DPY19L2: variants seen among roughly 807,000 people sequenced by gnomAD.
DPY19L2 encodes the protein probable C-mannosyltransferase DPY19L2.
Under a neutral mutation model 97.9 loss-of-function variants are expected in DPY19L2, and 34 were observed. The ratio of observed to expected loss-of-function variants is 0.35; its 90% CI spans 0.26 to 0.46. The LOEUF (loss-of-function observed/expected upper bound fraction) is 0.46. Among genes scored for constraint, DPY19L2 ranks in the 20% least tolerant of loss-of-function variants. The pLI, the probability that DPY19L2 is intolerant of heterozygous loss-of-function variation, is 1.00. For synonymous variants in DPY19L2, 230 were observed against 307.9 expected (o/e 0.75, Z 2.65); for missense variants, 623 against 911.4 (o/e 0.68, Z 4.07).
chr12:63,616,120 C>A (rs1308752055), intron 11 of DPY19L2, among the ~76,000 whole-genome samples: 1 of 151,870 alleles, frequency 6.6e-6, no homozygotes, highest in Non-Finnish European at 1.5e-5. Flanking sequence ...TGAACATCTG[C>A]AGATTTTAGT....
chr12:63,572,916 A>T (rs556148158), intron 19 of DPY19L2, among the ~76,000 whole-genome samples: 65 of 152,178 alleles, frequency 4.3e-4, no homozygotes, highest in Non-Finnish European at 8.1e-4. Context: ...TGCAGCGACC[A>T]GAAACTTAGA....
chr12:63,608,036 A>G (rs570663956), intron 12 of DPY19L2, among the ~76,000 whole-genome samples: 1 of 152,262 alleles, frequency 6.6e-6, no homozygotes, highest in East Asian at 1.9e-4. Context: ...CTAATAACTT[A>G]TTTTACTAGG....
At chr12:63,627,338 GTTA>G (rs1182623851) in intron 6 of DPY19L2, among the ~76,000 whole-genome samples, 1 of 151,950 alleles carries the variant, frequency 6.6e-6, no homozygotes, top group Non-Finnish European at 1.5e-5. Flanking sequence ...TTTTGTTGTT[GTTA>G]TTGTTGTTGT....
chr12:63,592,179 G>C (rs986664579), intron 16 of DPY19L2, among the ~76,000 whole-genome samples: 7 of 149,902 alleles, frequency 4.7e-5, no homozygotes, highest in African/African-American at 1.7e-4. Context: ...AGAAGGAAGG[G>C]AGGAAGGGAG....
intron 16 of DPY19L2, among the ~76,000 whole-genome samples, chr12:63,593,600 T>C (rs1466828824): frequency 2.7e-5 from 4 of 150,736 alleles, no homozygotes; most frequent in African/African-American, 7.3e-5. Flanking sequence ...TGAGAACACA[T>C]GGACACAGGA....
chr12:63,657,638 G>A (rs931921538), intron 4 of DPY19L2, among the ~76,000 whole-genome samples: 39 of 151,652 alleles, frequency 2.6e-4, no homozygotes, highest in African/African-American at 8.5e-4. Context: ...GTTTGATACC[G>A]TTCTCCCTGC....
intron 12 of DPY19L2, among the ~76,000 whole-genome samples, chr12:63,605,574 A>T (rs2137619966): frequency 6.6e-6 from 1 of 152,310 alleles, no homozygotes; most frequent in East Asian, 1.9e-4. Context: ...AAACAAGGAC[A>T]CACTGGTAGT....
chr12:63,643,793 G>C (rs969164886), intron 6 of DPY19L2, among the ~76,000 whole-genome samples: 23 of 152,184 alleles, frequency 1.5e-4, no homozygotes, highest in African/African-American at 5.5e-4. Flanking sequence ...CTGTCCTTTT[G>C]TGAGAAAGGC....
intron 20 of DPY19L2, among the ~76,000 whole-genome samples, 182 bp downstream of exon 20, chr12:63,570,576 G>A (rs1878606235): frequency 6.6e-6 from 1 of 151,848 alleles, no homozygotes; most frequent in Admixed American, 6.6e-5. Context: ...AGAGGCAACA[G>A]GTACGTATTG....
At chr12:63,617,037 T>C (rs1163847332) in intron 11 of DPY19L2, among the ~76,000 whole-genome samples, 3 of 152,314 alleles carry the variant, frequency 2.0e-5, no homozygotes, top group African/African-American at 7.2e-5. Flanking sequence ...AAGTCATTTT[T>C]ATCATAAAAT....
At chr12:63,618,576 T>A (rs185466886) in intron 9 of DPY19L2, among the ~76,000 whole-genome samples, 17 of 152,130 alleles carry the variant, frequency 1.1e-4, no homozygotes, top group African/African-American at 4.1e-4. Flanking sequence ...TGAGAGGCAG[T>A]TGGAAGACCA....
At chr12:63,626,175 C>T (rs1204743469) in intron 7 of DPY19L2, among the ~76,000 whole-genome samples, 6 of 151,172 alleles carry the variant, frequency 4.0e-5, no homozygotes, top group Non-Finnish European at 8.8e-5. Flanking sequence ...GGGAATAAAT[C>T]AGATAATGTG....
At chr12:63,594,316 C>T (rs1227153264) in intron 15 of DPY19L2, among the ~76,000 whole-genome samples, 183 bp from the exon 16 acceptor site, 1 of 152,038 alleles carries the variant, frequency 6.6e-6, no homozygotes, top group Non-Finnish European at 1.5e-5. Context: ...GAAGTGACTT[C>T]ACATCATTGA....
Position 63,606,359 on chromosome 12 carries a change from G to A in DPY19L2, c.1278+2257C>T, listed in dbSNP as rs1045178979. 1.4e-4 allele frequency among the ~76,000 whole-genome samples: 22 copies of A among 151,938 alleles called. 1 individual carries two copies. The highest frequency in any genetic ancestry group is 3.5e-3 in the Middle Eastern group (1 of 282). ...AGAACACTCTAAATACCTTATTATC[G>A]GTAAGACTAATGACTGCTGAAGAAT... On this transcript the variant is annotated intron_variant, in intron 12 of 21. Coordinates refer to ENST00000324472, the MANE Select transcript of DPY19L2 (RefSeq NM_173812.5).
At chr12:63,568,504 G>A (rs1270979360) in intron 21 of DPY19L2, among the ~76,000 whole-genome samples, 3 of 151,808 alleles carry the variant, frequency 2.0e-5, no homozygotes, top group African/African-American at 2.4e-5. Flanking sequence ...TACTTGAATC[G>A]GTTTCTATTA....
chr12:63,663,032 T>C (rs571435728), intron 3 of DPY19L2, among the ~76,000 whole-genome samples: 6 of 152,296 alleles, frequency 3.9e-5, no homozygotes. Context: ...CACTGAATCG[T>C]ACACTTAAAT....
intron 8 of DPY19L2, 150 bp downstream of exon 8, chr12:63,623,890 G>C (rs1431266109): frequency 5.6e-6 from 3 of 533,098 alleles, no homozygotes; most frequent in Non-Finnish European, 7.0e-6. Flanking sequence ...TTTTAGTAGA[G>C]ATGTGGTTTC....
At chr12:63,625,268 A>T (rs1889341795) in intron 7 of DPY19L2, among the ~76,000 whole-genome samples, 2 of 152,026 alleles carry the variant, frequency 1.3e-5, no homozygotes, top group South Asian at 4.2e-4. Flanking sequence ...ATGGTGGCAC[A>T]TGCCTGTAAT....
intron 8 of DPY19L2, among the ~76,000 whole-genome samples, chr12:63,621,764 C>A (rs1888727831): frequency 1.3e-5 from 2 of 152,068 alleles, no homozygotes; most frequent in African/African-American, 4.8e-5. Flanking sequence ...AATATAAGTG[C>A]TGACAAAGTA....
Sources: allele counts gnomAD v4.1 joint callset (sites outside exome capture counted in the v4.1 genomes callset), GRCh38; gene constraint gnomAD v4.1.1; transcripts MANE v1.5; gene names NCBI Gene and HGNC (gene_info 2026-07-23, HGNC 2026-07-21).